The following DPP8 variants were observed in gnomAD, a reference collection of about 807,000 sequenced individuals.
DPP8 encodes the protein dipeptidyl peptidase 8, also known as DPP VIII.
A neutral mutation model predicts 107.5 loss-of-function variants in DPP8; 31 were observed. That is an observed-to-expected ratio of 0.29 (90% CI 0.22 to 0.39). DPP8 has a LOEUF of 0.39. Ranked by LOEUF, DPP8 falls within the 10% of genes least tolerant of loss-of-function variation. The probability of loss-of-function intolerance (pLI) is 1.00; values close to 1 mark genes in which losing one functional copy is unlikely to be tolerated. For missense variants in DPP8, 842 were observed against 1,076.1 expected (o/e 0.78, Z 3.04); for synonymous variants, 381 against 356.6 (o/e 1.07, Z -0.77).
At chr15:65,461,651 G>A (rs982693903) in intron 15 of DPP8, among the ~76,000 whole-genome samples, 4 of 150,774 alleles carry the variant, frequency 2.7e-5, no homozygotes, top group South Asian at 2.1e-4. Context: ...TGTCCAGGCC[G>A]GAGTGCAGTG....
At chr15:65,481,663 A>C (rs771705970) in intron 8 of DPP8, 48 bp from the exon 9 acceptor site, 10 of 1,102,104 alleles carry the variant, frequency 9.1e-6, no homozygotes, top group Non-Finnish European at 1.3e-5. Context: ...GATTTAGATA[A>C]ATAATTAGCT....
intron 10 of DPP8, 129 bp downstream of exon 10, chr15:65,480,093 C>T (rs1320174102): frequency 2.4e-5 from 17 of 718,952 alleles, no homozygotes; most frequent in African/African-American, 7.2e-5. Flanking sequence ...ATTGGAAATG[C>T]TCATACTAAA....
intron 11 of DPP8, among the ~76,000 whole-genome samples, chr15:65,477,186 C>T (rs28894785): frequency 0.21 from 31,158 of 151,900 alleles, 4,207 homozygotes; most frequent in East Asian, 0.73. Context: ...TTTGGGAGGC[C>T]AAGGCTGGTG....
intron 12 of DPP8, among the ~76,000 whole-genome samples, chr15:65,470,021 AC>A (rs979930607): frequency 6.6e-6 from 1 of 151,378 alleles, no homozygotes; most frequent in African/African-American, 2.4e-5. Context: ...ACATGGCAAA[AC>A]CCCATCTCTG....
intron 11 of DPP8, among the ~76,000 whole-genome samples, chr15:65,474,492 A>AT (rs1285422561): frequency 1.3e-5 from 2 of 152,042 alleles, no homozygotes; most frequent in African/African-American, 2.4e-5. Context: ...TTTATTTTTC[A>AT]TTTTTTTGTA....
Position 65,456,290 on chromosome 15 carries a change from C to T in DPP8, c.2053G>A (p.Val685Met), listed in dbSNP as rs1436920842. ...TLASLGYVVV[V>M]IDNRGSCHRG... is the part of the protein sequence containing the mutation. ...TGACAGGATCCCCTGTTGTCTATCA[C>T]TACAACCACATAACCTAGAGAGGCT... The change falls in exon 16 of 20, where the codon GTG becomes ATG. Residue 685 changes from valine to methionine, a missense_variant. Coordinates refer to ENST00000300141, the MANE Select transcript of DPP8 (RefSeq NM_130434.5). 6.2e-7 allele frequency: 1 copy of T among 1,614,122 alleles called. No homozygotes were observed. Among genetic ancestry groups the T allele is most frequent in the Non-Finnish European group, 8.5e-7 (1 of 1,180,018 alleles).
chr15:65,488,786 G>T (rs1332894144), intron 6 of DPP8, among the ~76,000 whole-genome samples: 1 of 152,088 alleles, frequency 6.6e-6, no homozygotes, highest in African/African-American at 2.4e-5. Context: ...CAAAAAGTTT[G>T]AAGGCCATGC....
chr15:65,469,005 C>T (rs4492993), intron 12 of DPP8, among the ~76,000 whole-genome samples: 9,174 of 152,128 alleles, frequency 0.06, 279 homozygotes, highest in African/African-American at 0.082. Flanking sequence ...GACCGAGTTT[C>T]GCTCTCGTTG....
At chr15:65,454,157 AT>A (rs769619986) in intron 17 of DPP8, 105 bp downstream of exon 17, 16 of 858,546 alleles carry the variant, frequency 1.9e-5, no homozygotes, top group South Asian at 6.5e-5. Context: ...AAAAAAAAAA[AT>A]TGCCAACTCT....
chr15:65,473,325 CAAA>C (rs574732255), intron 12 of DPP8, among the ~76,000 whole-genome samples: 5 of 94,774 alleles, frequency 5.3e-5, no homozygotes, highest in Admixed American at 1.2e-4. Flanking sequence ...ACTCCATCTC[CAAA>C]AAAAAAAAAA....
chr15:65,474,713 C>A (rs1426852136), intron 11 of DPP8, among the ~76,000 whole-genome samples: 2 of 152,252 alleles, frequency 1.3e-5, no homozygotes, highest in African/African-American at 2.4e-5. Flanking sequence ...CTAAAGCCCC[C>A]TGGCCTTGGC....
At chr15:65,481,968 AT>A (rs1281812176) in intron 8 of DPP8, among the ~76,000 whole-genome samples, 1 of 83,962 alleles carries the variant, frequency 1.2e-5, no homozygotes. Context: ...TCACCTAGAA[AT>A]ATATATATAT....
intron 8 of DPP8, among the ~76,000 whole-genome samples, chr15:65,484,282 C>T (rs1194588800): frequency 1.3e-5 from 2 of 150,674 alleles, no homozygotes; most frequent in Non-Finnish European, 2.9e-5. Flanking sequence ...GCCAAGATCA[C>T]GCCACTGCAC....
At chr15:65,450,963 T>C (rs74939546) in intron 19 of DPP8, 36 bp downstream of exon 19, 13,534 of 1,261,524 alleles carry the variant, frequency 0.011, 188 homozygotes, top group South Asian at 0.04. Context: ...TCACTAATCA[T>C]GACTGCATTT....
In DPP8 at chr15:65,494,177, C is replaced by T. The variant is rs2068338296; in HGVS notation, c.715+3687G>A. Among the ~76,000 whole-genome samples the T allele has an allele frequency of 1.4e-4, 12 of 86,380 alleles. No homozygotes were observed. In the South Asian group the frequency reaches 4.3e-3, roughly 31 times the overall value. 56.7% of individuals were successfully genotyped at this position (86,380 alleles called of 152,430 possible). On this transcript the variant is annotated intron_variant, in intron 5 of 19. Transcript: ENST00000300141. ...TTTTTTTTTTTTAGAGACAGGGTCT[C>T]TCTCTTTCATCTGCCACCAAGGCGG...
At chr15:65,451,845 A>G in intron 18 of DPP8, 115 bp downstream of exon 18, 3 of 1,069,976 alleles carry the variant, frequency 2.8e-6, no homozygotes, top group Non-Finnish European at 3.8e-6. Flanking sequence ...GGATCCTCTG[A>G]GCCCAGGAGT....
chr15:65,480,862 C>T (rs1350681565), intron 9 of DPP8, among the ~76,000 whole-genome samples: 2 of 152,018 alleles, frequency 1.3e-5, no homozygotes, highest in Admixed American at 6.6e-5. Context: ...GTTGGGAGGC[C>T]GAGACAAGAG....
At chr15:65,460,721 ATCCAT>A (rs913821092) in intron 15 of DPP8, among the ~76,000 whole-genome samples, 1 of 152,206 alleles carries the variant, frequency 6.6e-6, no homozygotes, top group Non-Finnish European at 1.5e-5. Context: ...CATTTTGTTT[ATCCAT>A]TCATCTGTTG....
At chr15:65,491,769 G>T (rs58891728) in intron 5 of DPP8, among the ~76,000 whole-genome samples, 7,278 of 152,142 alleles carry the variant, frequency 0.048, 596 homozygotes, top group African/African-American at 0.17. Flanking sequence ...GTCTCGCTCT[G>T]TTGCCCAAAC....
Sources: allele counts gnomAD v4.1 joint callset (sites outside exome capture counted in the v4.1 genomes callset), GRCh38; gene constraint gnomAD v4.1.1; transcripts MANE v1.5; gene names NCBI Gene and HGNC (gene_info 2026-07-23, HGNC 2026-07-21).